Variants in PIK3C2G observed in about 807,000 individuals in gnomAD.
PIK3C2G encodes the protein phosphatidylinositol 3-kinase C2 domain-containing subunit gamma.
Under a neutral mutation model 181.1 loss-of-function variants are expected in PIK3C2G, and 168 were observed. The ratio of observed to expected loss-of-function variants is 0.93; its 90% confidence interval spans 0.82 to 1.05. The LOEUF is 1.05. Ranked by LOEUF, PIK3C2G falls within the 50% of genes least tolerant of loss-of-function variation. The pLI, the probability that PIK3C2G is intolerant of heterozygous loss-of-function variation, is 0.00. For synonymous variants in PIK3C2G, 573 were observed against 592.2 expected, an observed-to-expected ratio of 0.97 and a Z score of 0.47; for missense variants, 1,869 against 1,732.8, an observed-to-expected ratio of 1.08 and a Z score of -1.40.
At chr12:18,523,297 A>AT (rs377758156) in intron 24 of PIK3C2G, among the ~76,000 whole-genome samples, 1 of 152,014 alleles carries the variant, frequency 6.6e-6, no homozygotes, top group Non-Finnish European at 1.5e-5. Context: ...TATTTCCATG[A>AT]TTTTTTATAA....
chr12:18,576,045 G>A (rs572297507), intron 29 of PIK3C2G, among the ~76,000 whole-genome samples: 1 of 152,112 alleles, frequency 6.6e-6, no homozygotes, highest in African/African-American at 2.4e-5. Context: ...AATTGCTCAT[G>A]GTTCCAAAAT....
intron 18 of PIK3C2G, among the ~76,000 whole-genome samples, chr12:18,487,555 C>A (rs1053579256): frequency 1.3e-5 from 2 of 152,134 alleles, no homozygotes; most frequent in South Asian, 4.1e-4. Context: ...AGTTAATGTG[C>A]AAATAAATTA....
downstream of PIK3C2G, among the ~76,000 whole-genome samples, chr12:18,650,377 CTGTG>C (rs1200484992): frequency 1.0e-4 from 10 of 96,874 alleles, no homozygotes; most frequent in African/African-American, 4.1e-4. Context: ...GTGTGTGTGT[CTGTG>C]TGTCTGTGTA....
chr12:18,358,498 C>T lies in PIK3C2G; in HGVS notation c.1626-4266C>T, dbSNP rs147592216. 3.3e-3 allele frequency: 876 copies of T among 266,650 alleles called. 7 individuals carry two copies. The highest frequency in any genetic ancestry group is 3.3e-3 in the Non-Finnish European group (439 of 133,750). 16.5% of individuals were successfully genotyped at this position (266,650 alleles called of 1,614,324 possible). On this transcript the variant is annotated intron_variant, in intron 11 of 32. Coordinates refer to ENST00000538779, the MANE Select transcript of PIK3C2G (RefSeq NM_001288772.2). ...GGTTAGAAATTTGACTCTCAGGACC[C>T]ACTTAATTAGAAAGAGACCAAATTC... is the stretch of plus-strand genomic sequence containing the variant.
At chr12:18,255,662 C>T (rs7975493) in intron 1 of PIK3C2G, among the ~76,000 whole-genome samples, 66,773 of 151,918 alleles carry the variant, frequency 0.44, 15,113 homozygotes, top group East Asian at 0.75. Flanking sequence ...CCATATTTCA[C>T]TGACTGCAAC....
intron 16 of PIK3C2G, among the ~76,000 whole-genome samples, chr12:18,406,171 G>A (rs190928778): frequency 6.6e-6 from 1 of 152,150 alleles, no homozygotes; most frequent in African/African-American, 2.4e-5. Flanking sequence ...TTAGCATAAT[G>A]TCCTCCAAGT....
At chr12:18,594,892 TATA>T (rs765359075) in intron 30 of PIK3C2G, among the ~76,000 whole-genome samples, 5 of 152,056 alleles carry the variant, frequency 3.3e-5, no homozygotes, top group African/African-American at 4.8e-5. Context: ...TTATTTTGAT[TATA>T]ATATTATTTC....
chr12:18,630,655 A>G (rs1949311565), intron 31 of PIK3C2G, among the ~76,000 whole-genome samples: 1 of 152,026 alleles, frequency 6.6e-6, no homozygotes, highest in Non-Finnish European at 1.5e-5. Flanking sequence ...AAGATGACAT[A>G]CATATCAAAC....
chr12:18,346,883 T>C (rs1330715468), intron 11 of PIK3C2G, 47 bp downstream of exon 11: 2 of 1,262,344 alleles, frequency 1.6e-6, no homozygotes, highest in Non-Finnish European at 2.2e-6. Flanking sequence ...TTTACATAGC[T>C]TCTAAGTAGA....
At chr12:18,339,768 A>C (rs2137606641) in intron 9 of PIK3C2G, among the ~76,000 whole-genome samples, 1 of 152,284 alleles carries the variant, frequency 6.6e-6, no homozygotes, top group Non-Finnish European at 1.5e-5. Flanking sequence ...TAGACAGTAA[A>C]AAAATGAATA....
chr12:18,503,237 T>G lies in PIK3C2G; in HGVS notation c.3017-44T>G, dbSNP rs376608163. On this transcript the variant is annotated intron_variant, in intron 22 of 32. Coordinates refer to ENST00000538779, the MANE Select transcript of PIK3C2G (RefSeq NM_001288772.2). Reference sequence around the variant, plus strand: ...TATATTTCCTAAGGCTCCCTCATCTTGTGATGAAGGAATTGTCTCTGTAAT... The same window carrying G: ...TATATTTCCTAAGGCTCCCTCATCTGGTGATGAAGGAATTGTCTCTGTAAT... The G allele has an allele frequency of 2.7e-5, 39 of 1,463,570 alleles. No individual in the cohort carries two copies. The African/African-American group carries it at 4.7e-4, about 18-fold the overall frequency. The allele number at this position is 1,463,570 out of a possible 1,614,324, so 90.7% of individuals were successfully genotyped here.
intron 1 of PIK3C2G, among the ~76,000 whole-genome samples, 155 bp downstream of exon 1, chr12:18,261,732 G>A (rs1948243178): frequency 6.6e-6 from 1 of 152,074 alleles, no homozygotes; most frequent in African/African-American, 2.4e-5. Context: ...GCCATATTTT[G>A]AAACAGAGAT....
intron 18 of PIK3C2G, among the ~76,000 whole-genome samples, chr12:18,459,137 A>G (rs1393948016): frequency 6.6e-6 from 1 of 152,204 alleles, no homozygotes; most frequent in Non-Finnish European, 1.5e-5. Context: ...ATTAAAATCT[A>G]AAAGAAGCCC....
At chr12:18,263,292 G>A (rs1042387875) in intron 1 of PIK3C2G, among the ~76,000 whole-genome samples, 17 of 151,858 alleles carry the variant, frequency 1.1e-4, no homozygotes, top group African/African-American at 3.4e-4. Context: ...GACTACATTG[G>A]GGACAGAGAA....
At chr12:18,492,519 T>A (rs1940658831) in intron 20 of PIK3C2G, among the ~76,000 whole-genome samples, 1 of 152,204 alleles carries the variant, frequency 6.6e-6, no homozygotes, top group African/African-American at 2.4e-5. Context: ...GAGATATGTC[T>A]GTCTGGGCTG....
intron 6 of PIK3C2G, among the ~76,000 whole-genome samples, chr12:18,315,495 T>C (rs1446198089): frequency 1.3e-5 from 2 of 152,156 alleles, no homozygotes; most frequent in African/African-American, 4.8e-5. Flanking sequence ...TAATAACTTA[T>C]CGGTAGTAAT....
intron 25 of PIK3C2G, among the ~76,000 whole-genome samples, chr12:18,544,411 G>C (rs1343552120): frequency 1.3e-5 from 2 of 151,822 alleles, no homozygotes; most frequent in Non-Finnish European, 2.9e-5. Context: ...AGATAACAGA[G>C]TTTATGTAAT....
chr12:18,634,089 C>T (rs1949482324), intron 31 of PIK3C2G, among the ~76,000 whole-genome samples: 1 of 152,162 alleles, frequency 6.6e-6, no homozygotes, highest in African/African-American at 2.4e-5. Context: ...CACCACCTAA[C>T]TTGAACTGTA....
At chr12:18,505,498 T>G (rs183450204) in intron 24 of PIK3C2G, 37 bp downstream of exon 24, 3 of 1,512,404 alleles carry the variant, frequency 2.0e-6, no homozygotes, top group African/African-American at 1.4e-5. Context: ...AATTAAGCAG[T>G]GTCCTAAGCA....
Sources: gnomAD v4.1 joint callset for allele counts (sites outside exome capture counted in the v4.1 genomes callset) on GRCh38, gnomAD v4.1.1 for gene constraint, MANE v1.5 for transcripts, NCBI Gene and HGNC (gene_info 2026-07-23, HGNC 2026-07-21) for gene names.